CNGB3: variants seen among roughly 807,000 people sequenced by gnomAD.
The protein encoded by CNGB3 is cyclic nucleotide-gated channel beta-3.
Under a neutral mutation model 92.8 loss-of-function variants are expected in CNGB3, and 86 were observed. That is an observed-to-expected ratio of 0.93 (90% CI 0.78 to 1.11). The LOEUF (loss-of-function observed/expected upper bound fraction) is 1.11. Among genes scored for constraint, CNGB3 ranks in the 50% least tolerant of loss-of-function variants. CNGB3 has a pLI of 0.00. For synonymous variants in CNGB3, 333 were observed against 332.7 expected, an observed-to-expected ratio of 1.00 and a Z score of -0.01; for missense variants, 1,026 against 956.8, an observed-to-expected ratio of 1.07 and a Z score of -0.95.
chr8:86,618,420 C>G (rs1451095012), intron 13 of CNGB3, among the ~76,000 whole-genome samples: 1 of 152,192 alleles, frequency 6.6e-6, no homozygotes, highest in Non-Finnish European at 1.5e-5. Flanking sequence ...TTAATAATAA[C>G]TATGTAATTT....
At chr8:86,612,961 G>A (rs982107394) in intron 13 of CNGB3, among the ~76,000 whole-genome samples, 7 of 152,166 alleles carry the variant, frequency 4.6e-5, no homozygotes, top group African/African-American at 1.7e-4. Context: ...AGCTGTAATT[G>A]ATGGTAGAAG....
chr8:86,716,020 T>A (rs1824847661), intron 3 of CNGB3, among the ~76,000 whole-genome samples: 1 of 151,858 alleles, frequency 6.6e-6, no homozygotes, highest in African/African-American at 2.4e-5. Flanking sequence ...GTGAAATAGA[T>A]AACATAAATT....
At chr8:86,597,911 G>A (rs1822206623) in intron 15 of CNGB3, among the ~76,000 whole-genome samples, 1 of 152,134 alleles carries the variant, frequency 6.6e-6, no homozygotes, top group Admixed American at 6.5e-5. Context: ...ATGGGAAGTG[G>A]AGGTTGCAGT....
chr8:86,586,739 T>A (rs200131376), intron 15 of CNGB3, among the ~76,000 whole-genome samples: 1 of 149,658 alleles, frequency 6.7e-6, no homozygotes, highest in Non-Finnish European at 1.5e-5. Flanking sequence ...TCTATCATTG[T>A]TGGACATTTG....
At chr8:86,643,428 C>T (rs1402336551) in intron 10 of CNGB3, among the ~76,000 whole-genome samples, 1 of 151,304 alleles carries the variant, frequency 6.6e-6, no homozygotes, top group Non-Finnish European at 1.5e-5. Flanking sequence ...ATGCGCTCCT[C>T]TCCCCACCAC....
intron 7 of CNGB3, among the ~76,000 whole-genome samples, chr8:86,650,370 C>A (rs1823378201): frequency 6.6e-6 from 1 of 151,464 alleles, no homozygotes; most frequent in South Asian, 2.1e-4. Flanking sequence ...TCTGATCCAG[C>A]AATCCCACTA....
At chr8:86,587,651 T>C (rs1821927620) in intron 15 of CNGB3, among the ~76,000 whole-genome samples, 1 of 151,772 alleles carries the variant, frequency 6.6e-6, no homozygotes, top group Non-Finnish European at 1.5e-5. Flanking sequence ...TAGTTGTAGA[T>C]ATGCGGCGTT....
At chr8:86,659,214 A>G in intron 6 of CNGB3, 1 of 728,344 alleles carries the variant, frequency 1.4e-6, no homozygotes. Context: ...CTGCTACCGC[A>G]TGGCCCTCCC....
At chr8:86,736,188 A>G (rs910024089) in intron 2 of CNGB3, among the ~76,000 whole-genome samples, 2 of 152,186 alleles carry the variant, frequency 1.3e-5, no homozygotes, top group Non-Finnish European at 2.9e-5. Context: ...ATGACATTGC[A>G]CCTGCATGTT....
rs1823238014 is a variant in CNGB3 at position 86,643,794 on chromosome 8, C to T, written c.1135G>A (p.Gly379Arg). The T allele has an allele frequency of 6.2e-7, 1 of 1,606,104 alleles. No individual in the cohort carries two copies. Among genetic ancestry groups the T allele is most frequent in the East Asian group, 2.2e-5 (1 of 44,714 alleles). ...CVYYWASNYE[G>R]IGTTRWVYDG... Reference sequence around the variant, plus strand: ...TACACCCATCTAGTAGTGCCAATTCCTTCATAGTTTGAAGCCCAGTAATAA... The same window carrying T: ...TACACCCATCTAGTAGTGCCAATTCTTTCATAGTTTGAAGCCCAGTAATAA... The change falls in exon 10 of 18, where the codon GGA becomes AGA. Residue 379 changes from glycine to arginine, a missense_variant. Physicochemically the swap from Gly to Arg is moderately radical, Grantham distance 125 (BLOSUM62 -2). Transcript: ENST00000320005.
intron 17 of CNGB3, among the ~76,000 whole-genome samples, chr8:86,577,085 C>T (rs1171094688): frequency 6.6e-6 from 1 of 151,900 alleles, no homozygotes; most frequent in African/African-American, 2.4e-5. Flanking sequence ...CAATATCTGC[C>T]CTCATAGGCT....
At chr8:86,625,587 T>G (rs1334190504) in intron 13 of CNGB3, among the ~76,000 whole-genome samples, 1 of 152,176 alleles carries the variant, frequency 6.6e-6, no homozygotes, top group Non-Finnish European at 1.5e-5. Flanking sequence ...AAGACATGAT[T>G]AGGTATAATT....
intron 11 of CNGB3, among the ~76,000 whole-genome samples, chr8:86,629,850 A>T (rs886375479): frequency 6.6e-6 from 1 of 152,200 alleles, no homozygotes. Context: ...CAAAAAAGAT[A>T]TATAGCTCGA....
intron 2 of CNGB3, among the ~76,000 whole-genome samples, chr8:86,737,950 A>G (rs192147378): frequency 1.3e-5 from 2 of 152,306 alleles, no homozygotes; most frequent in East Asian, 3.9e-4. Context: ...TTTTAAATTT[A>G]TAATCTTCTT....
rs1215963682 is a variant in CNGB3, at chr8:86,739,668, G to A, written c.198C>T (p.His66=). Residue 66 remains histidine (H), a synonymous_variant, in exon 2 of 18, where the codon CAC becomes CAT. Transcript: ENST00000320005. ...KSTPVTSEEP[H]TNIQDKLSKK... ...CTGCATTCTGACCTTGTATGTTGGTGTGTGGCTCTTCAGACGTGACTGGAG... is the reference window on the plus strand; with the variant it reads ...CTGCATTCTGACCTTGTATGTTGGTATGTGGCTCTTCAGACGTGACTGGAG... 25 of 1,597,914 alleles carry A rather than the reference G, an allele frequency of 1.6e-5. No homozygotes were observed. Among genetic ancestry groups the A allele is most frequent in the Non-Finnish European group, 1.9e-5 (22 of 1,174,368 alleles).
chr8:86,598,743 A>G (rs1302612952), intron 15 of CNGB3, among the ~76,000 whole-genome samples: 1 of 152,124 alleles, frequency 6.6e-6, no homozygotes, highest in East Asian at 1.9e-4. Flanking sequence ...TATGTCTTTT[A>G]TAAAGACACT....
intron 15 of CNGB3, among the ~76,000 whole-genome samples, chr8:86,590,535 G>T (rs547751965): frequency 1.1e-4 from 16 of 152,064 alleles, no homozygotes; most frequent in South Asian, 1.0e-3. Flanking sequence ...GGCAGGCCTG[G>T]TGGTGACAAA....
intron 15 of CNGB3, among the ~76,000 whole-genome samples, chr8:86,591,519 G>T (rs1822035796): frequency 6.7e-6 from 1 of 149,560 alleles, no homozygotes; most frequent in Non-Finnish European, 1.5e-5. Flanking sequence ...TGGGTTTTTG[G>T]TGTGGATGTC....
intron 13 of CNGB3, among the ~76,000 whole-genome samples, chr8:86,620,144 A>C (rs1822696464): frequency 6.6e-6 from 1 of 152,188 alleles, no homozygotes; most frequent in Non-Finnish European, 1.5e-5. Context: ...CCGTGCTCAA[A>C]CTGTCCCAAT....
Sources: allele counts gnomAD v4.1 joint callset (sites outside exome capture counted in the v4.1 genomes callset), GRCh38; gene constraint gnomAD v4.1.1; transcripts MANE v1.5; gene names NCBI Gene and HGNC (gene_info 2026-07-23, HGNC 2026-07-21).